PLD1: variants seen among roughly 807,000 people sequenced by gnomAD.
The protein encoded by PLD1 is phospholipase D1.
PLD1 carries 112 observed loss-of-function variants against 137.1 expected under a neutral mutation model. The ratio of observed to expected loss-of-function variants is 0.82; its 90% CI spans 0.70 to 0.96. The LOEUF is 0.96. Ranked by LOEUF, PLD1 falls within the 40% of genes least tolerant of loss-of-function variation. The pLI is 0.00. For missense variants in PLD1, 1,321 were observed against 1,342.0 expected (o/e 0.98, Z 0.24); for synonymous variants, 431 against 454.7 (o/e 0.95, Z 0.66).
In PLD1 at chr3:171,605,413, A is replaced by C; in HGVS notation, c.2886T>G (p.Val962=). 6.3e-7 allele frequency: 1 copy of C among 1,594,342 alleles called. No homozygotes were observed. Among genetic ancestry groups the C allele is most frequent in the Non-Finnish European group, 8.6e-7 (1 of 1,162,070 alleles). Residue 962 remains valine (V), a synonymous_variant, in exon 26 of 27, where the codon GTT becomes GTG. Coordinates refer to ENST00000351298, the MANE Select transcript of PLD1 (RefSeq NM_002662.5). ...TTGGGTCATCAAGATAGCCAAGGAC[A>C]ACCCTGAAATACAAGTGACCTCCAC... is the stretch of plus-strand genomic sequence containing the variant. ...ARGLRLQCFR[V]VLGYLDDPSE...
At chr3:171,706,917 A>G (rs960571565) in intron 11 of PLD1, among the ~76,000 whole-genome samples, 6 of 152,202 alleles carry the variant, frequency 3.9e-5, no homozygotes, top group African/African-American at 1.4e-4. Flanking sequence ...GAATCAACCT[A>G]AATGACCATC....
chr3:171,663,096 C>G (rs1176139573), intron 19 of PLD1, among the ~76,000 whole-genome samples: 1 of 152,210 alleles, frequency 6.6e-6, no homozygotes, highest in Non-Finnish European at 1.5e-5. Flanking sequence ...TCAAATACCC[C>G]ACTGGCCAGG....
At position 171,724,824 on chromosome 3, in the gene PLD1, A is replaced by G. The variant is rs530909429; in HGVS notation, c.666-36T>C. 1.9e-5 allele frequency: 25 copies of G among 1,283,022 alleles called. No individual in the cohort carries two copies. The Admixed American group carries it at 2.2e-4, about 11-fold the overall frequency. 79.5% of individuals were successfully genotyped at this position (1,283,022 alleles called of 1,614,324 possible). A position where few individuals can be genotyped will look rare whatever the true frequency, so the allele number is the denominator to read the frequency against. ...CAGAAAATTAACCCATCACCTTCAA[A>G]TTTCCCACTCCCACTTAGCTCGTAC... On this transcript the variant is annotated intron_variant, in intron 7 of 26. Transcript: ENST00000351298.
At chr3:171,803,147 A>G (rs1197632803) in intron 1 of PLD1, among the ~76,000 whole-genome samples, 1 of 152,260 alleles carries the variant, frequency 6.6e-6, no homozygotes, top group East Asian at 1.9e-4. Flanking sequence ...AGGAGGTTGC[A>G]GGGAGAATTC....
chr3:171,622,128 G>C (rs991546970), intron 23 of PLD1, among the ~76,000 whole-genome samples: 1 of 152,142 alleles, frequency 6.6e-6, no homozygotes, highest in African/African-American at 2.4e-5. Context: ...ATAAGTTTAA[G>C]ATACAAAGCA....
In PLD1 at chr3:171,612,252, CAG is replaced by C; in HGVS notation, c.2882+25_2882+26del. ...AGCGACTGCTGCAGTGGAAATGCAT[CAG>C]AGAGACACACTTTGGCGGACTGACC... On this transcript the variant is annotated intron_variant, in intron 25 of 26. Transcript: ENST00000351298. The surrounding 1 kb of genome is among the most constrained non-coding windows in gnomAD (Gnocchi z 4.1). The C allele has an allele frequency of 6.2e-7, 1 of 1,608,990 alleles. No individual in the cohort carries two copies. The highest frequency in any genetic ancestry group is 8.5e-7 in the Non-Finnish European group (1 of 1,176,178).
chr3:171,794,747 G>A (rs1399479813), intron 1 of PLD1, among the ~76,000 whole-genome samples: 1 of 151,818 alleles, frequency 6.6e-6, no homozygotes, highest in East Asian at 1.9e-4. Context: ...AAAGTTTTGG[G>A]ATACACCTTT....
chr3:171,603,218 C>A lies in PLD1; in HGVS notation c.3085G>T (p.Asp1029Tyr). The A allele has an allele frequency of 6.2e-7, 1 of 1,614,068 alleles. No individual in the cohort carries two copies. The highest frequency in any genetic ancestry group is 8.5e-7 in the Non-Finnish European group (1 of 1,179,930). The change falls in exon 27 of 27, where the codon GAT (aspartate) becomes TAT (tyrosine). Residue 1029 changes from aspartate (D) to tyrosine (Y), a missense_variant. Asp to Tyr is a radical substitution (Grantham distance 160, BLOSUM62 -3). Transcript: ENST00000351298. ...AGTTCCTCCTCAGCTCGAATGGGAT[C>A]TTCCTTAGCTAATACGGGCTTGTTT... Reference protein sequence around the residue: ...FINKPVLAKEDPIRAEEELKK... With the variant: ...FINKPVLAKEYPIRAEEELKK...
intron 11 of PLD1, among the ~76,000 whole-genome samples, chr3:171,705,604 T>G (rs1041589169): frequency 6.6e-6 from 1 of 152,122 alleles, no homozygotes; most frequent in African/African-American, 2.4e-5. Flanking sequence ...AAATAGCACA[T>G]GAAAATTTGC....
chr3:171,692,316 A>G lies in PLD1; in HGVS notation c.1338+16T>C. 8.8e-7 allele frequency: 1 copy of G among 1,141,264 alleles called. No individual in the cohort carries two copies. Among genetic ancestry groups the G allele is most frequent in the Non-Finnish European group, 1.3e-6 (1 of 753,472 alleles). 70.7% of individuals were successfully genotyped at this position (1,141,264 alleles called of 1,614,324 possible). ...AATAATAAAGAAACATTGGTTATCAAGATGAACCTGAATACCTTTATGTTG... is the reference window on the plus strand; with the variant it reads ...AATAATAAAGAAACATTGGTTATCAGGATGAACCTGAATACCTTTATGTTG... On this transcript the variant is annotated intron_variant, in intron 13 of 26. Coordinates refer to ENST00000351298, the MANE Select transcript of PLD1 (RefSeq NM_002662.5).
chr3:171,764,148 T>C (rs1373407805), intron 1 of PLD1, among the ~76,000 whole-genome samples: 2 of 152,184 alleles, frequency 1.3e-5, no homozygotes, highest in East Asian at 1.9e-4. Context: ...ATTTTATTTA[T>C]GTTTTTAGTA....
chr3:171,607,416 A>G (rs903201408), intron 25 of PLD1, among the ~76,000 whole-genome samples: 2 of 152,178 alleles, frequency 1.3e-5, no homozygotes, highest in African/African-American at 4.8e-5. Flanking sequence ...AGATAAGCCA[A>G]TGTGTCCACC....
intron 25 of PLD1, among the ~76,000 whole-genome samples, chr3:171,606,144 A>G (rs11929048): frequency 0.29 from 43,704 of 152,096 alleles, 7,073 homozygotes; most frequent in African/African-American, 0.41. Context: ...GATAGAGCCA[A>G]CAGGTTTTAC....
intron 23 of PLD1, 104 bp from the exon 24 acceptor site, chr3:171,620,624 T>C: frequency 1.8e-6 from 1 of 545,496 alleles, no homozygotes; most frequent in Admixed American, 3.1e-5. Flanking sequence ...CTGTTCAGAA[T>C]AGATTGTATA....
At chr3:171,622,263 C>T (rs1374805368) in intron 23 of PLD1, among the ~76,000 whole-genome samples, 2 of 152,142 alleles carry the variant, frequency 1.3e-5, no homozygotes, top group Non-Finnish European at 2.9e-5. Flanking sequence ...CAAAGACCAC[C>T]TCTATGGAAT....
At chr3:171,695,587 A>G (rs558203945) in intron 12 of PLD1, among the ~76,000 whole-genome samples, 119 of 152,404 alleles carry the variant, frequency 7.8e-4, no homozygotes, top group African/African-American at 2.8e-3. Flanking sequence ...TATTCAAACT[A>G]CATGGGAAGA....
At chr3:171,727,089 A>C (rs1220667788) in intron 6 of PLD1, among the ~76,000 whole-genome samples, 1 of 152,256 alleles carries the variant, frequency 6.6e-6, no homozygotes, top group Non-Finnish European at 1.5e-5. Context: ...TATGTGTCAC[A>C]AAATATTATT....
At chr3:171,722,671 T>C (rs1383579470) in intron 8 of PLD1, among the ~76,000 whole-genome samples, 2 of 152,186 alleles carry the variant, frequency 1.3e-5, no homozygotes, top group Non-Finnish European at 2.9e-5. Flanking sequence ...TTCCATTTAA[T>C]TTTTAGATTT....
At position 171,737,923 on chromosome 3, in the gene PLD1, G is replaced by T; in HGVS notation, c.129C>A (p.Asp43Glu). 6.2e-7 allele frequency: 1 copy of T among 1,613,814 alleles called. No individual in the cohort carries two copies. The highest frequency in any genetic ancestry group is 8.5e-7 in the Non-Finnish European group (1 of 1,179,916). Residue 43 changes from aspartate (D) to glutamate (E), a missense_variant, in exon 2 of 27, where the codon GAC becomes GAA. Transcript: ENST00000351298. Reference protein sequence around the residue: ...LHFEGEEVDYDVSPSDPKIQE... With the variant: ...LHFEGEEVDYEVSPSDPKIQE... ...GTATCTTGGGATCGCTGGGAGACAC[G>T]TCGTAGTCTACCTCCTCTCCCTCAA...
Sources: gnomAD v4.1 joint callset for allele counts (sites outside exome capture counted in the v4.1 genomes callset) on GRCh38, gnomAD v4.1.1 for gene constraint, Gnocchi (gnomAD v3.1) non-coding constraint, MANE v1.5 for transcripts, NCBI Gene and HGNC (gene_info 2026-07-23, HGNC 2026-07-21) for gene names.